Variants in FAT3 observed in about 807,000 individuals in gnomAD.
FAT3 encodes protocadherin Fat 3.
Under a neutral mutation model 310.2 loss-of-function variants are expected in FAT3, and 95 were observed. The ratio of observed to expected loss-of-function variants is 0.31; its 90% CI spans 0.26 to 0.36. FAT3 has a LOEUF of 0.36. Among genes scored for constraint, FAT3 ranks in the 10% least tolerant of loss-of-function variants. FAT3 has a pLI of 1.00. For synonymous variants in FAT3, 2,314 were observed against 2,192.9 expected (o/e 1.06, Z -1.54); for missense variants, 5,408 against 5,715.6 (o/e 0.95, Z 1.74).
intron 14 of FAT3, among the ~76,000 whole-genome samples, chr11:92,832,664 A>G (rs1025922430): frequency 2.6e-5 from 4 of 152,120 alleles, no homozygotes; most frequent in South Asian, 2.1e-4. Context: ...TCCAAGAACA[A>G]GAGTTTGTTT....
At chr11:92,616,404 A>G (rs547437801) in intron 3 of FAT3, among the ~76,000 whole-genome samples, 13 of 152,062 alleles carry the variant, frequency 8.5e-5, no homozygotes, top group Non-Finnish European at 1.3e-4. Flanking sequence ...TGAATACGGG[A>G]CACTGATGGG....
intron 3 of FAT3, among the ~76,000 whole-genome samples, chr11:92,696,694 G>A (rs952588487): frequency 3.3e-5 from 5 of 152,122 alleles, no homozygotes; most frequent in African/African-American, 1.2e-4. Flanking sequence ...AAGCTGAGAG[G>A]CCTTGAAGGT....
chr11:92,399,117 G>A (rs1949952737), intron 2 of FAT3, among the ~76,000 whole-genome samples: 1 of 152,150 alleles, frequency 6.6e-6, no homozygotes, highest in African/African-American at 2.4e-5. Flanking sequence ...GAAAGTGTGG[G>A]ATTATTAGCA....
chr11:92,242,262 A>T (rs551628944), intron 1 of FAT3, among the ~76,000 whole-genome samples: 1 of 152,182 alleles, frequency 6.6e-6, no homozygotes, highest in African/African-American at 2.4e-5. Context: ...AGACCTTTCC[A>T]AAGTGTCTTA....
intron 4 of FAT3, among the ~76,000 whole-genome samples, chr11:92,742,212 G>C (rs1359061924): frequency 6.6e-6 from 1 of 152,200 alleles, no homozygotes; most frequent in African/African-American, 2.4e-5. Context: ...TCTGAACAAA[G>C]TCAAGTGAAA....
intron 2 of FAT3, among the ~76,000 whole-genome samples, chr11:92,433,796 G>T (rs939156308): frequency 7.2e-5 from 11 of 151,924 alleles, no homozygotes; most frequent in African/African-American, 1.9e-4. Flanking sequence ...GGATCATGAG[G>T]TCAGGAGATT....
chr11:92,815,525 A>G (rs910153920), intron 13 of FAT3, among the ~76,000 whole-genome samples: 2 of 152,082 alleles, frequency 1.3e-5, no homozygotes, highest in Non-Finnish European at 2.9e-5. Context: ...GTGAGCAGAG[A>G]TCACGCCACC....
At chr11:92,594,568 C>G (rs1159892338) in intron 3 of FAT3, among the ~76,000 whole-genome samples, 1 of 152,148 alleles carries the variant, frequency 6.6e-6, no homozygotes, top group Non-Finnish European at 1.5e-5. Flanking sequence ...TTCAATCAGC[C>G]TGCTAGACTT....
intron 3 of FAT3, among the ~76,000 whole-genome samples, chr11:92,596,262 C>A (rs1275425272): frequency 6.6e-6 from 1 of 152,118 alleles, no homozygotes; most frequent in Non-Finnish European, 1.5e-5. Flanking sequence ...TCTGAAGAAC[C>A]CTGACATCAG....
At chr11:92,815,770 A>C (rs1289079730) in intron 13 of FAT3, among the ~76,000 whole-genome samples, 1 of 152,182 alleles carries the variant, frequency 6.6e-6, no homozygotes, top group African/African-American at 2.4e-5. Flanking sequence ...ACCACCTGGC[A>C]TGGAGAGGAA....
In FAT3 at chr11:92,524,721, C is replaced by T. The variant is rs1252438028; in HGVS notation, c.3380C>T (p.Pro1127Leu). The stretch of plus-strand genomic sequence containing the variant: ...TATGCCACAGACAGGGGCGTTGTTC[C>T]ACTCTACTCCACCATTGAGGTCTAC... ...TVYATDRGVV[P>L]LYSTIEVYIE... Residue 1127 changes from proline to leucine, a missense_variant, in exon 3 of 28, where the codon CCA becomes CTA. Physicochemically the swap from Pro to Leu is moderately conservative, Grantham distance 98. Coordinates refer to ENST00000525166, the MANE Select transcript of FAT3 (RefSeq NM_001367949.2). 6.2e-7 allele frequency: 1 copy of T among 1,613,804 alleles called. No homozygotes were observed. The highest frequency in any genetic ancestry group is 8.5e-7 in the Non-Finnish European group (1 of 1,179,822).
At chr11:92,592,238 C>T (rs911194844) in intron 3 of FAT3, among the ~76,000 whole-genome samples, 1 of 150,460 alleles carries the variant, frequency 6.6e-6, no homozygotes, top group Non-Finnish European at 1.5e-5. Flanking sequence ...AAACATGTAA[C>T]AGTTTTAAAC....
chr11:92,591,605 G>A (rs901143905), intron 3 of FAT3, among the ~76,000 whole-genome samples: 1 of 152,026 alleles, frequency 6.6e-6, no homozygotes, highest in East Asian at 1.9e-4. Context: ...ATGTTTTCAT[G>A]TCTAATGCAG....
chr11:92,874,593 G>T (rs997475645), intron 22 of FAT3, among the ~76,000 whole-genome samples: 11 of 152,200 alleles, frequency 7.2e-5, no homozygotes, highest in Non-Finnish European at 1.6e-4. Context: ...AGGCTGAAGT[G>T]CAATGGCGTG....
At chr11:92,518,394 C>T (rs769100272) in intron 2 of FAT3, among the ~76,000 whole-genome samples, 16 of 152,076 alleles carry the variant, frequency 1.1e-4, no homozygotes, top group Admixed American at 2.0e-4. Context: ...CCATCATTCT[C>T]AGCAAACTAA....
At chr11:92,332,836 G>A (rs1947954203) in intron 1 of FAT3, among the ~76,000 whole-genome samples, 1 of 152,020 alleles carries the variant, frequency 6.6e-6, no homozygotes, top group South Asian at 2.1e-4. Context: ...CTCCTACACA[G>A]CAATTAGTCC....
At chr11:92,592,070 A>G (rs1452339942) in intron 3 of FAT3, among the ~76,000 whole-genome samples, 1 of 152,158 alleles carries the variant, frequency 6.6e-6, no homozygotes, top group Non-Finnish European at 1.5e-5. Context: ...GTTGTGACAC[A>G]TGTTAATAAA....
Position 92,831,855 on chromosome 11 carries a change from A to G in FAT3, c.9715A>G (p.Arg3239Gly). The G allele has an allele frequency of 6.2e-7, 1 of 1,613,720 alleles. No homozygotes were observed. Among genetic ancestry groups the G allele is most frequent in the Non-Finnish European group, 8.5e-7 (1 of 1,179,808 alleles). The change falls in exon 14 of 28, where the codon AGG becomes GGG. Residue 3239 changes from arginine (R) to glycine (G), a missense_variant. Physicochemically the swap from Arg to Gly is moderately radical, Grantham distance 125 (BLOSUM62 -2). Around this residue, in one of 5 missense-constraint regions of FAT3, gnomAD observed 4,588 missense variants for 4,809.8 expected, o/e 0.95. Coordinates refer to ENST00000525166, the MANE Select transcript of FAT3 (RefSeq NM_001367949.2). ...INDNPPVFER[R>G]DYLVTVPEDT... ...TGACAACCCCCCTGTGTTTGAGAGGAGGGACTACCTGGTGACGGTGCCTGA... is the reference window on the plus strand; with the variant it reads ...TGACAACCCCCCTGTGTTTGAGAGGGGGGACTACCTGGTGACGGTGCCTGA...
intron 4 of FAT3, among the ~76,000 whole-genome samples, chr11:92,750,209 G>A (rs1431630067): frequency 6.6e-6 from 1 of 152,122 alleles, no homozygotes; most frequent in Non-Finnish European, 1.5e-5. Context: ...AATGAGAGGG[G>A]GAGGGAGAAA....
Sources: gnomAD v4.1 joint callset for allele counts (sites outside exome capture counted in the v4.1 genomes callset) on GRCh38, gnomAD v4.1.1 for gene constraint, gnomAD v4.1.1 regional missense constraint, MANE v1.5 for transcripts, NCBI Gene and HGNC (gene_info 2026-07-23, HGNC 2026-07-21) for gene names.